The following KCNT1 variants were observed in gnomAD, a reference collection of about 807,000 sequenced individuals.
The protein encoded by KCNT1 is potassium sodium-activated channel subfamily T member 1, also known as potassium channel subfamily T member 1.
KCNT1 carries 78 observed loss-of-function variants against 147.8 expected under a neutral mutation model. The ratio of observed to expected loss-of-function variants is 0.53; its 90% confidence interval spans 0.44 to 0.64. KCNT1 has a LOEUF of 0.64. KCNT1 is among the 30% of genes least tolerant of loss of function. The probability of loss-of-function intolerance (pLI) is 0.00; values close to 1 mark genes in which losing one functional copy is unlikely to be tolerated. For synonymous variants in KCNT1, 867 were observed against 748.8 expected, an observed-to-expected ratio of 1.16 and a Z score of -2.58; for missense variants, 1,419 against 1,750.3, an observed-to-expected ratio of 0.81 and a Z score of 3.38.
rs1554766004 is a variant in KCNT1, at chr9:135,730,990, T to TGAAAAAAAAAAAAAAAAAAAAAAAAAAAA, written c.254+16270_254+16271insGAAAAAAAAAAAAAAAAAAAAAAAAAAAA. ...AACAAAGTGAGATCCCGTCTCAAGGTAAAAAAAAAAAAAAAAAAAAAAAGT... is the reference window on the plus strand; with the variant it reads ...AACAAAGTGAGATCCCGTCTCAAGGTGAAAAAAAAAAAAAAAAAAAAAAAAAAAAAAAAAAAAAAAAAAAAAAAAAAAGT... On this transcript the variant is annotated intron_variant, in intron 2 of 30. Coordinates refer to ENST00000371757, the MANE Select transcript of KCNT1 (RefSeq NM_020822.3). This position sits in a 1 kb window ranked among gnomAD's most constrained non-coding sequence, Gnocchi z 4.7. Among the ~76,000 whole-genome samples, 1 of 85,594 alleles carries TGAAAAAAAAAAAAAAAAAAAAAAAAAAAA rather than the reference T, an allele frequency of 1.2e-5. No individual in the cohort carries two copies. Among genetic ancestry groups the TGAAAAAAAAAAAAAAAAAAAAAAAAAAAA allele is most frequent in the African/African-American group, 4.5e-5 (1 of 22,048 alleles). The allele number at this position is 85,594 out of a possible 152,430, so 56.2% of individuals were successfully genotyped here. A position where few individuals can be genotyped will look rare whatever the true frequency, so the allele number is the denominator to read the frequency against.
chr9:135,740,895 G>GCTCCC (rs1000080457), intron 2 of KCNT1, among the ~76,000 whole-genome samples: 107 of 152,008 alleles, frequency 7.0e-4, no homozygotes, highest in Non-Finnish European at 1.4e-3. Flanking sequence ...AGCTTCCTCA[G>GCTCCC]CTCCCCTCCC....
chr9:135,785,869 T>G, intron 28 of KCNT1: 1 of 464,262 alleles, frequency 2.2e-6, no homozygotes, highest in Non-Finnish European at 3.9e-6. Flanking sequence ...GGGGTCCAGA[T>G]GGGTCCCAGG....
chr9:135,709,312 T>G (rs569901190), intron 1 of KCNT1, among the ~76,000 whole-genome samples: 5 of 152,326 alleles, frequency 3.3e-5, no homozygotes, highest in Admixed American at 1.3e-4. Context: ...CAGAGCAGTC[T>G]TGGCTGTAGC....
At chr9:135,710,684 G>T (rs1480046261) in intron 1 of KCNT1, among the ~76,000 whole-genome samples, 1 of 152,318 alleles carries the variant, frequency 6.6e-6, no homozygotes, top group East Asian at 1.9e-4. Flanking sequence ...CATTGGTGCT[G>T]GCAGCAGAAG....
rs199946004 is a variant in KCNT1 at position 135,784,758 on chromosome 9, C to T, written c.3028-3C>T. On this transcript the variant is annotated splice_polypyrimidine_tract_variant and splice_region_variant and intron_variant, in intron 26 of 30. Coordinates refer to ENST00000371757, the MANE Select transcript of KCNT1 (RefSeq NM_020822.3). ...CAGCCAACTCAGGGTTCCCACCCTG[C>T]AGATGAAAATCACCGAGGGCGACCT... The T allele has an allele frequency of 3.0e-5, 48 of 1,612,316 alleles. No individual in the cohort carries two copies. The highest frequency in any genetic ancestry group is 4.5e-5 in the East Asian group (2 of 44,832).
intron 2 of KCNT1, among the ~76,000 whole-genome samples, chr9:135,729,396 A>AG (rs1264329289): frequency 1.3e-5 from 2 of 152,234 alleles, no homozygotes; most frequent in Non-Finnish European, 1.5e-5. Flanking sequence ...ACTGTGCAGG[A>AG]GGGGATTCCG....
At chr9:135,781,002 C>T (rs1033379143) in intron 24 of KCNT1, among the ~76,000 whole-genome samples, 3 of 152,340 alleles carry the variant, frequency 2.0e-5, no homozygotes, top group Admixed American at 6.5e-5. Flanking sequence ...GCAGCCAACA[C>T]GCTCCTGCCC....
Position 135,714,797 on chromosome 9 carries a change from G to C in KCNT1, c.254+77G>C. 9.7e-7 allele frequency: 1 copy of C among 1,033,238 alleles called. No individual in the cohort carries two copies. Among genetic ancestry groups the C allele is most frequent in the African/African-American group, 1.7e-5 (1 of 57,654 alleles). 64.0% of individuals were successfully genotyped at this position (1,033,238 alleles called of 1,614,324 possible). On this transcript the variant is annotated intron_variant, in intron 2 of 30. Transcript: ENST00000371757. The surrounding 1 kb of genome is among the most constrained non-coding windows in gnomAD (Gnocchi z 6.2). ...CACGCCCGGAGCTGTCCGCGGTGCT[G>C]ACGGCCGGTCCCGCGCGCCCCCGCA... is the stretch of plus-strand genomic sequence containing the variant.
At chr9:135,765,300 G>T in intron 12 of KCNT1, 105 bp downstream of exon 12, 7 of 1,061,264 alleles carry the variant, frequency 6.6e-6, no homozygotes, top group South Asian at 6.0e-5. Context: ...TCTCAGCCTT[G>T]GTTTACCCCT....
chr9:135,713,771 G>C (rs1354595023), intron 1 of KCNT1, among the ~76,000 whole-genome samples: 1 of 152,220 alleles, frequency 6.6e-6, no homozygotes, highest in African/African-American at 2.4e-5. Context: ...ACTCACTTCA[G>C]TGGGGGACAT....
chr9:135,746,097 C>T (rs1406727033), intron 2 of KCNT1, among the ~76,000 whole-genome samples: 1 of 152,266 alleles, frequency 6.6e-6, no homozygotes, highest in Non-Finnish European at 1.5e-5. Flanking sequence ...GGATCGTTTT[C>T]ATCTCCTTTT....
intron 2 of KCNT1, chr9:135,736,507 C>T (rs7350168): frequency 0.37 from 55,790 of 151,630 alleles, 10,337 homozygotes; most frequent in Middle Eastern, 0.5. Context: ...GCCCCCCAGC[C>T]CCGGCACCCG....
At chr9:135,762,079 C>T (rs1323981110) in intron 11 of KCNT1, among the ~76,000 whole-genome samples, 5 of 152,260 alleles carry the variant, frequency 3.3e-5, no homozygotes, top group Non-Finnish European at 7.3e-5. Flanking sequence ...CCACAGCCTC[C>T]GGGCCGGGGC....
chr9:135,783,916 TATC>T (rs547087445), intron 24 of KCNT1, 105 bp from the exon 25 acceptor site: 536 of 768,462 alleles, frequency 7.0e-4, no homozygotes, highest in Non-Finnish European at 1.0e-3. Context: ...TGCACACAGG[TATC>T]ATGCACACAT....
In KCNT1 at chr9:135,792,122, G is replaced by A. The variant is rs556454353; in HGVS notation, c.3669G>A (p.Ser1223=). The A allele has an allele frequency of 5.9e-5, 95 of 1,605,960 alleles. No individual in the cohort carries two copies. Among genetic ancestry groups the A allele is most frequent in the African/African-American group, 1.2e-4 (9 of 75,014 alleles). The change falls in exon 31 of 31, where the codon TCG becomes TCA. Residue 1223 remains serine (S), a synonymous_variant. Coordinates refer to ENST00000371757, the MANE Select transcript of KCNT1 (RefSeq NM_020822.3). ...SRKSSCSHKL[S]SCNPETRDET... ...AGAGCAGCTGCAGCCACAAGCTGTC[G>A]TCCTGCAACCCCGAGACTCGCGACG...
intron 9 of KCNT1, among the ~76,000 whole-genome samples, chr9:135,758,117 G>C (rs377389122): frequency 6.6e-6 from 1 of 150,908 alleles, no homozygotes; most frequent in Non-Finnish European, 1.5e-5. Context: ...TTGGGCCTCA[G>C]CCGAGACACA....
At chr9:135,777,230 A>T in intron 20 of KCNT1, 108 bp from the exon 21 acceptor site, 1 of 1,228,384 alleles carries the variant, frequency 8.1e-7, no homozygotes, top group East Asian at 2.4e-5. Flanking sequence ...CGAGAGGCTA[A>T]CGGCTGGGTG....
intron 19 of KCNT1, among the ~76,000 whole-genome samples, chr9:135,774,272 GTGTGTGTGGTGTGT>G (rs1457775433): frequency 1.4e-4 from 20 of 144,902 alleles, no homozygotes; most frequent in Non-Finnish European, 1.4e-4. Context: ...GGTGTCTGTT[GTGTGTGTGGTGTGT>G]TGTGTGTGGT....
intron 15 of KCNT1, among the ~76,000 whole-genome samples, 153 bp downstream of exon 15, chr9:135,769,090 T>G (rs1832541254): frequency 7.0e-6 from 1 of 142,706 alleles, no homozygotes; most frequent in Non-Finnish European, 1.5e-5. Flanking sequence ...ACGGTGCGTC[T>G]GGGGCAGGAT....
Sources: gnomAD v4.1 joint callset for allele counts (sites outside exome capture counted in the v4.1 genomes callset) on GRCh38, gnomAD v4.1.1 for gene constraint, Gnocchi (gnomAD v3.1) non-coding constraint, MANE v1.5 for transcripts, NCBI Gene and HGNC (gene_info 2026-07-23, HGNC 2026-07-21) for gene names.